Variants in TOPAZ1 observed in about 807,000 individuals in gnomAD.
TOPAZ1 encodes the protein protein TOPAZ1.
TOPAZ1 carries 66 observed loss-of-function variants against 172.2 expected under a neutral mutation model. That is an observed-to-expected ratio of 0.38 (90% CI 0.31 to 0.47). The LOEUF is 0.47. Among genes scored for constraint, TOPAZ1 ranks in the 20% least tolerant of loss-of-function variants. TOPAZ1 has a pLI of 0.99. For synonymous variants in TOPAZ1, 681 were observed against 683.9 expected (o/e 1.00, Z 0.07); for missense variants, 1,822 against 1,972.4 (o/e 0.92, Z 1.44).
intron 12 of TOPAZ1, among the ~76,000 whole-genome samples, chr3:44,302,052 T>G (rs1197459678): frequency 6.6e-6 from 1 of 152,224 alleles, no homozygotes; most frequent in Non-Finnish European, 1.5e-5. Flanking sequence ...AGGTATGTTA[T>G]GTGAAATGGA....
At chr3:44,313,375 G>T (rs940009928) in intron 16 of TOPAZ1, among the ~76,000 whole-genome samples, 8 of 152,070 alleles carry the variant, frequency 5.3e-5, no homozygotes, top group African/African-American at 1.9e-4. Context: ...ACTTTGGGAG[G>T]CCGAGGCGGG....
chr3:44,242,918 A>G lies in TOPAZ1; in HGVS notation c.412A>G (p.Arg138Gly). 1 of 1,544,048 alleles carries G rather than the reference A, an allele frequency of 6.5e-7. No individual in the cohort carries two copies. The highest frequency in any genetic ancestry group is 8.7e-7 in the Non-Finnish European group (1 of 1,145,330). ...TCCACAGCCAGGGCTTGACTTGGTA[A>G]GAAAGGAATCATTAACCAGTTCGGA... ...DDPQPGLDLVRKESLTSSESF... is the reference protein window; with the variant it reads ...DDPQPGLDLVGKESLTSSESF... The change falls in exon 2 of 20, where the codon AGA becomes GGA. Residue 138 changes from arginine (R) to glycine (G), a missense_variant. Transcript: ENST00000309765.
At chr3:44,264,508 G>A (rs1217230451) in intron 5 of TOPAZ1, among the ~76,000 whole-genome samples, 3 of 152,184 alleles carry the variant, frequency 2.0e-5, no homozygotes, top group African/African-American at 7.2e-5. Context: ...TATTTGCCTG[G>A]ATGTTGATGG....
intron 8 of TOPAZ1, among the ~76,000 whole-genome samples, chr3:44,271,634 T>C (rs1699899936): frequency 6.6e-6 from 1 of 152,136 alleles, no homozygotes; most frequent in African/African-American, 2.4e-5. Context: ...AATTATAAAT[T>C]GAAAACTATA....
intron 2 of TOPAZ1, among the ~76,000 whole-genome samples, chr3:44,245,862 G>C (rs926258350): frequency 6.6e-6 from 1 of 152,110 alleles, no homozygotes; most frequent in African/African-American, 2.4e-5. Context: ...TTTAAGTGAT[G>C]GAGATTGCTT....
chr3:44,245,063 A>G lies in TOPAZ1; in HGVS notation c.2557A>G (p.Ile853Val), dbSNP rs1699546879. ...KNFSEVGFPD[I>V]LKAYEDDVLL... ...TTTTTCAGAGGTAGGGTTTCCAGAT[A>G]TTCTTAAAGCATATGAAGATGACGT... Residue 853 changes from isoleucine to valine, a missense_variant, in exon 2 of 20, where the codon ATT becomes GTT. Around this residue, in one of 2 missense-constraint regions of TOPAZ1, gnomAD observed 1,489 missense variants for 1,490.8 expected, o/e 1.00. Transcript: ENST00000309765. 6.4e-7 allele frequency: 1 copy of G among 1,551,568 alleles called. No homozygotes were observed. The highest frequency in any genetic ancestry group is 1.4e-5 in the African/African-American group (1 of 73,040).
intron 4 of TOPAZ1, among the ~76,000 whole-genome samples, chr3:44,258,783 A>G (rs888445404): frequency 6.6e-6 from 1 of 152,140 alleles, no homozygotes; most frequent in African/African-American, 2.4e-5. Flanking sequence ...ATAAACGTTC[A>G]TGTACAGGTT....
chr3:44,299,544 C>T lies in TOPAZ1; in HGVS notation c.3798-4471C>T, dbSNP rs1479576802. Among the ~76,000 whole-genome samples the T allele has an allele frequency of 5.3e-5, 8 of 151,940 alleles. No individual in the cohort carries two copies. The East Asian group carries it at 7.8e-4, about 15-fold the overall frequency. On this transcript the variant is annotated intron_variant, in intron 12 of 19. Coordinates refer to ENST00000309765, the MANE Select transcript of TOPAZ1 (RefSeq NM_001145030.2). The stretch of plus-strand genomic sequence containing the variant: ...TCAACCATTGTGGAAGTCAGTGTGG[C>T]GATTCCTCAGGGATCTAGAACTAGA...
chr3:44,255,132 TTAGGG>T, intron 3 of TOPAZ1, 103 bp downstream of exon 3: 2 of 772,136 alleles, frequency 2.6e-6, no homozygotes, highest in Middle Eastern at 2.4e-4. Context: ...GCTTTTCATT[TTAGGG>T]TCTGTTGACC....
intron 2 of TOPAZ1, among the ~76,000 whole-genome samples, chr3:44,246,886 C>T (rs1275402539): frequency 6.6e-6 from 1 of 152,214 alleles, no homozygotes; most frequent in Non-Finnish European, 1.5e-5. Flanking sequence ...TACCATACTT[C>T]CTTGGAGGAA....
At chr3:44,304,182 A>C in intron 13 of TOPAZ1, 101 bp downstream of exon 13, 2 of 662,244 alleles carry the variant, frequency 3.0e-6, no homozygotes, top group Non-Finnish European at 5.0e-6. Flanking sequence ...AAGTTTTAGA[A>C]ATGTGGCTGT....
chr3:44,249,793 CCTTT>C (rs1346235026), intron 2 of TOPAZ1, among the ~76,000 whole-genome samples: 4 of 152,140 alleles, frequency 2.6e-5, no homozygotes, highest in Admixed American at 6.5e-5. Context: ...GACAGTGAAT[CCTTT>C]CTTTCTTAAG....
chr3:44,291,579 C>T (rs1700138205), intron 12 of TOPAZ1, among the ~76,000 whole-genome samples: 1 of 149,998 alleles, frequency 6.7e-6, no homozygotes, highest in African/African-American at 2.5e-5. Context: ...GGCGACAGAG[C>T]GAGACTCCGT....
rs1467783732 is a variant in TOPAZ1, at chr3:44,267,100, C to T, written c.3124C>T (p.Arg1042Cys). The T allele has an allele frequency of 1.9e-6, 3 of 1,545,726 alleles. No individual in the cohort carries two copies. The highest frequency in any genetic ancestry group is 2.6e-6 in the Non-Finnish European group (3 of 1,144,620). Residue 1042 changes from arginine (R) to cysteine (C), a missense_variant, in exon 6 of 20, where the codon CGT (arginine) becomes TGT (cysteine). Arg to Cys is a radical substitution (Grantham distance 180). This residue lies in a region of TOPAZ1 where 1,489 missense variants were observed against 1,490.8 expected (regional missense o/e 1.00). Coordinates refer to ENST00000309765, the MANE Select transcript of TOPAZ1 (RefSeq NM_001145030.2). ...AGTACCTCCTTTGAATCTAAGTGGT[C>T]GTCAAGAAGACACAATACTGAATAC... ...LLVPPLNLSGRQEDTILNTWM... is the reference protein window; with the variant it reads ...LLVPPLNLSGCQEDTILNTWM...
chr3:44,306,848 A>G (rs1362193669), intron 15 of TOPAZ1, among the ~76,000 whole-genome samples: 7 of 152,202 alleles, frequency 4.6e-5, no homozygotes, highest in Non-Finnish European at 1.0e-4. Flanking sequence ...AATAACTCCC[A>G]TAAGTTTAGT....
At position 44,245,065 on chromosome 3, in the gene TOPAZ1, T is replaced by G. The variant is rs1390605369; in HGVS notation, c.2559T>G (p.Ile853Met). The change falls in exon 2 of 20, where the codon ATT (isoleucine) becomes ATG (methionine). Residue 853 changes from isoleucine to methionine, a missense_variant. Ile to Met is a conservative substitution (Grantham distance 10). Around this residue, in one of 2 missense-constraint regions of TOPAZ1, gnomAD observed 1,489 missense variants for 1,490.8 expected, o/e 1.00. Transcript: ENST00000309765. ...TTTCAGAGGTAGGGTTTCCAGATATTCTTAAAGCATATGAAGATGACGTCC... is the reference window on the plus strand; with the variant it reads ...TTTCAGAGGTAGGGTTTCCAGATATGCTTAAAGCATATGAAGATGACGTCC... ...KNFSEVGFPDILKAYEDDVLL... is the reference protein window; with the variant it reads ...KNFSEVGFPDMLKAYEDDVLL... 6.4e-7 allele frequency: 1 copy of G among 1,551,682 alleles called. No individual in the cohort carries two copies. Among genetic ancestry groups the G allele is most frequent in the South Asian group, 1.2e-5 (1 of 84,044 alleles).
chr3:44,281,266 A>G (rs1393460588), intron 8 of TOPAZ1, among the ~76,000 whole-genome samples: 3 of 152,174 alleles, frequency 2.0e-5, no homozygotes, highest in Admixed American at 6.5e-5. Flanking sequence ...TTGGCTCACC[A>G]TGCCATCACT....
In TOPAZ1 at chr3:44,310,116, T is replaced by G. The variant is rs968774306; in HGVS notation, c.4306+126T>G. The G allele has an allele frequency of 1.4e-5, 11 of 796,668 alleles. No homozygotes were observed. In the South Asian group the frequency reaches 1.7e-4, roughly 12 times the overall value. The allele number at this position is 796,668 out of a possible 1,614,324, so 49.3% of individuals were successfully genotyped here. A position where few individuals can be genotyped will look rare whatever the true frequency, so the allele number is the denominator to read the frequency against. On this transcript the variant is annotated intron_variant, in intron 16 of 19. Transcript: ENST00000309765. The stretch of plus-strand genomic sequence containing the variant: ...TTTGGTCTAAACCCTAGTGAACATG[T>G]GGGTAGGAAAGGTTGTCATGTAAAC...
intron 2 of TOPAZ1, among the ~76,000 whole-genome samples, chr3:44,251,597 TTAC>T (rs1182035244): frequency 6.6e-6 from 1 of 152,248 alleles, no homozygotes; most frequent in Admixed American, 6.5e-5. Context: ...ATTATTTTCC[TTAC>T]TACAACAGAT....
Sources: allele counts gnomAD v4.1 joint callset (sites outside exome capture counted in the v4.1 genomes callset), GRCh38; gene constraint gnomAD v4.1.1; regional missense constraint gnomAD v4.1.1; transcripts MANE v1.5; gene names NCBI Gene and HGNC (gene_info 2026-07-23, HGNC 2026-07-21).